The following ELF1 variants were observed in gnomAD, a reference collection of about 807,000 sequenced individuals.
ELF1 encodes E74 like ETS transcription factor 1.
ELF1 carries 24 observed loss-of-function variants against 59.9 expected under a neutral mutation model. That is an observed-to-expected ratio of 0.40 (90% CI 0.29 to 0.56). ELF1 has a LOEUF of 0.56. Among genes scored for constraint, ELF1 ranks in the 20% least tolerant of loss-of-function variants. The pLI is 0.44. For synonymous variants in ELF1, 248 were observed against 266.2 expected (o/e 0.93, Z 0.67); for missense variants, 627 against 742.2 (o/e 0.84, Z 1.80).
chr13:40,934,416 C>CTT (rs10692930), intron 8 of ELF1, among the ~76,000 whole-genome samples: 46,044 of 100,084 alleles, frequency 0.46, 13,792 homozygotes, highest in Non-Finnish European at 0.62. Context: ...TTCATTCCTG[C>CTT]TTTTTTTTTT....
chr13:40,946,310 T>C (rs943596820), intron 5 of ELF1, among the ~76,000 whole-genome samples: 2 of 152,242 alleles, frequency 1.3e-5, no homozygotes, highest in African/African-American at 2.4e-5. Flanking sequence ...GTTTTGACTA[T>C]GTATACTAAC....
intron 2 of ELF1, among the ~76,000 whole-genome samples, chr13:40,963,194 C>T (rs959773809): frequency 2.0e-4 from 30 of 152,198 alleles, no homozygotes. Context: ...GAACTGACTC[C>T]AGGGTCCATG....
intron 5 of ELF1, among the ~76,000 whole-genome samples, chr13:40,944,585 T>C (rs897032046): frequency 9.9e-5 from 15 of 152,152 alleles, no homozygotes; most frequent in Admixed American, 7.2e-4. Flanking sequence ...AATAAGTCCA[T>C]CCCAATAGCC....
At chr13:41,045,335 T>C (rs564939789) in intron 1 of ELF1, among the ~76,000 whole-genome samples, 1 of 152,284 alleles carries the variant, frequency 6.6e-6, no homozygotes, top group South Asian at 2.1e-4. Flanking sequence ...CTGCTAGCTT[T>C]TGAATTTGTT....
intron 1 of ELF1, among the ~76,000 whole-genome samples, chr13:41,007,181 T>C (rs574233309): frequency 1.3e-5 from 2 of 152,142 alleles, no homozygotes; most frequent in South Asian, 2.1e-4. Context: ...GTACAGATAA[T>C]ACACCTCAGA....
upstream of ELF1, among the ~76,000 whole-genome samples, chr13:41,023,311 C>T (rs1009871714): frequency 1.3e-5 from 2 of 152,116 alleles, no homozygotes; most frequent in Non-Finnish European, 2.9e-5. Context: ...CTCTAATTTC[C>T]ATATCTAGGA....
Position 40,941,303 on chromosome 13 carries a change from T to C in ELF1, c.874A>G (p.Met292Val). The change falls in exon 8 of 9, where the codon ATG (methionine) becomes GTG (valine). Residue 292 changes from methionine (M) to valine (V), a missense_variant. This residue lies in a region of ELF1 where 361 missense variants were observed against 396.1 expected (regional missense o/e 0.91). Coordinates refer to ENST00000239882, the MANE Select transcript of ELF1 (RefSeq NM_172373.4). ...TTTATATATATAAGATCTTTTGGCA[T>C]TTCTTTAAACTGATACACCAAGCGC... ...GQRLVYQFKE[M>V]PKDLIYINDE... is the part of the protein sequence containing the mutation. The C allele has an allele frequency of 6.2e-7, 1 of 1,613,980 alleles. No homozygotes were observed. The highest frequency in any genetic ancestry group is 8.5e-7 in the Non-Finnish European group (1 of 1,180,012).
chr13:41,023,799 T>C (rs1015680229), upstream of ELF1, among the ~76,000 whole-genome samples: 2 of 152,156 alleles, frequency 1.3e-5, no homozygotes, highest in African/African-American at 4.8e-5. Flanking sequence ...CTGCACTATA[T>C]TCCCATCACC....
At position 40,941,381 on chromosome 13, in the gene ELF1, C is replaced by T. The variant is rs1204254399; in HGVS notation, c.807-11G>A. 6.5e-7 allele frequency: 1 copy of T among 1,544,704 alleles called. No individual in the cohort carries two copies. The highest frequency in any genetic ancestry group is 1.4e-5 in the African/African-American group (1 of 72,054). On this transcript the variant is annotated splice_polypyrimidine_tract_variant and intron_variant, in intron 7 of 8. Transcript: ENST00000239882. ...CTTTGGTAATAGTACCTATTCAAAGCAGACAATTTCATCAATCAATCAAAC... is the reference window on the plus strand; with the variant it reads ...CTTTGGTAATAGTACCTATTCAAAGTAGACAATTTCATCAATCAATCAAAC...
At chr13:41,061,316 G>A (rs1007493758) in exon 1 of ELF1, 10 of 394,256 alleles carry the variant, frequency 2.5e-5, no homozygotes, top group African/African-American at 2.1e-4. Context: ...AGGACACAGA[G>A]ACGGCGGGAT....
chr13:41,003,607 A>G (rs1274517715), intron 1 of ELF1, among the ~76,000 whole-genome samples: 1 of 152,210 alleles, frequency 6.6e-6, no homozygotes, highest in African/African-American at 2.4e-5. Context: ...TCACTGAGGC[A>G]CAAAAAACTT....
chr13:41,029,844 A>C (rs1417904368), intron 1 of ELF1, among the ~76,000 whole-genome samples: 2 of 152,170 alleles, frequency 1.3e-5, no homozygotes, highest in African/African-American at 4.8e-5. Context: ...TGCAGTTACC[A>C]AAACTGAGAC....
intron 1 of ELF1, among the ~76,000 whole-genome samples, chr13:41,017,792 A>G (rs1407909172): frequency 6.6e-6 from 1 of 151,774 alleles, no homozygotes; most frequent in Non-Finnish European, 1.5e-5. Flanking sequence ...ACCTTAAAAA[A>G]GTTAAAAAAA....
At chr13:40,963,861 G>A (rs962583445) in intron 2 of ELF1, among the ~76,000 whole-genome samples, 1 of 151,654 alleles carries the variant, frequency 6.6e-6, no homozygotes, top group South Asian at 2.1e-4. Flanking sequence ...AGCCAAGATC[G>A]CACCACTGCA....
chr13:41,043,870 T>A (rs1291071841), intron 1 of ELF1, among the ~76,000 whole-genome samples: 1 of 152,202 alleles, frequency 6.6e-6, no homozygotes, highest in Non-Finnish European at 1.5e-5. Flanking sequence ...TGGCACTGAA[T>A]CTATAAATTA....
At chr13:41,023,725 T>C (rs567855183), upstream of ELF1, among the ~76,000 whole-genome samples, 1 of 152,316 alleles carries the variant, frequency 6.6e-6, no homozygotes, top group East Asian at 1.9e-4. Context: ...AAAGCAGGCC[T>C]CTTAGGCAAC....
At chr13:40,948,331 T>G (rs1261502916) in intron 5 of ELF1, among the ~76,000 whole-genome samples, 1 of 152,168 alleles carries the variant, frequency 6.6e-6, no homozygotes, top group East Asian at 1.9e-4. Flanking sequence ...ATGGGTGGAT[T>G]TCTTTCCCCC....
At chr13:41,041,521 A>G (rs987905102) in intron 1 of ELF1, among the ~76,000 whole-genome samples, 1 of 152,110 alleles carries the variant, frequency 6.6e-6, no homozygotes, top group Non-Finnish European at 1.5e-5. Context: ...AACAACACAG[A>G]AAGATTAGCC....
At position 40,978,946 on chromosome 13, in the gene ELF1, C is replaced by T. The variant is rs180916172; in HGVS notation, c.72+3037G>A. On this transcript the variant is annotated intron_variant, in intron 2 of 8. Transcript: ENST00000239882. ...TGTTACATGAGTATATTGCTTGTTA[C>T]ATAGGTGAGGCTGAGATTTGAGGTA... Among the ~76,000 whole-genome samples the T allele has an allele frequency of 1.4e-3, 213 of 152,080 alleles. 1 individual carries two copies. The highest frequency in any genetic ancestry group is 5.0e-3 in the African/African-American group (208 of 41,480).
Sources: gnomAD v4.1 joint callset for allele counts (sites outside exome capture counted in the v4.1 genomes callset) on GRCh38, gnomAD v4.1.1 for gene constraint, gnomAD v4.1.1 regional missense constraint, MANE v1.5 for transcripts, NCBI Gene and HGNC (gene_info 2026-07-23, HGNC 2026-07-21) for gene names.